Variants in HK1 observed in about 807,000 individuals in gnomAD.
HK1 encodes the protein hexokinase-1.
A neutral mutation model predicts 91.6 loss-of-function variants in HK1; 28 were observed. That is an observed-to-expected ratio of 0.31 (90% CI 0.23 to 0.42). The LOEUF is 0.42. HK1 is among the 10% of genes least tolerant of loss of function. HK1 has a pLI of 1.00. For missense variants in HK1, 770 were observed against 1,219.8 expected, an observed-to-expected ratio of 0.63 and a Z score of 5.49; for synonymous variants, 430 against 468.1, an observed-to-expected ratio of 0.92 and a Z score of 1.05.
intron 2 of HK1, among the ~76,000 whole-genome samples, chr10:69,352,059 C>G (rs1342450144): frequency 6.6e-6 from 1 of 150,950 alleles, no homozygotes; most frequent in African/African-American, 2.4e-5. Flanking sequence ...GTGGCATGAT[C>G]TCGGCTCACT....
intron 1 of HK1, chr10:69,338,110 C>CG: frequency 3.2e-6 from 1 of 311,704 alleles, no homozygotes; most frequent in Non-Finnish European, 5.0e-6. Flanking sequence ...TCCTGCTCTG[C>CG]GGGGGTCCAA....
chr10:69,384,552 CA>C (rs879246652), intron 11 of HK1, 71 bp downstream of exon 11: 2 of 1,587,344 alleles, frequency 1.3e-6, no homozygotes, highest in Middle Eastern at 1.7e-4. Context: ...ACGTGATGAC[CA>C]AAATCCGCCA....
At chr10:69,376,292 G>C (rs1334492044) in intron 7 of HK1, among the ~76,000 whole-genome samples, 1 of 152,098 alleles carries the variant, frequency 6.6e-6, no homozygotes, top group Non-Finnish European at 1.5e-5. Flanking sequence ...GCATCTGGGA[G>C]GGTCGCTTGG....
intron 3 of HK1, 119 bp from the exon 4 acceptor site, chr10:69,364,664 A>G (rs1480645453): frequency 1.6e-6 from 2 of 1,259,934 alleles, no homozygotes; most frequent in African/African-American, 1.5e-5. Flanking sequence ...CAGGAGTACG[A>G]GCACTTTGTT....
At chr10:69,319,548 G>A (rs565177456) in intron 1 of HK1, among the ~76,000 whole-genome samples, 1 of 152,400 alleles carries the variant, frequency 6.6e-6, no homozygotes, top group East Asian at 1.9e-4. Flanking sequence ...TGACCCGCCC[G>A]GCTTCCCGGA....
At chr10:69,302,378 GAT>G (rs1491371214) in intron 5 of HK1, among the ~76,000 whole-genome samples, 4 of 44,566 alleles carry the variant, frequency 9.0e-5, no homozygotes, top group Non-Finnish European at 4.9e-5. Context: ...ATGGTATAAT[GAT>G]TTTTTTTTTT....
chr10:69,351,882 A>G (rs1327265907), intron 2 of HK1, among the ~76,000 whole-genome samples: 1 of 152,218 alleles, frequency 6.6e-6, no homozygotes, highest in Non-Finnish European at 1.5e-5. Flanking sequence ...ATTGGTACAG[A>G]AAGACTCAGT....
rs78152370 is a variant in HK1, at chr10:69,302,255, GA to G, written c.27+1404del. On this transcript the variant is annotated intron_variant, in intron 5 of 21. Coordinates refer to the HK1 transcript ENST00000360289. ...AGAGCAAAACTCCATCTCAAAAAAAGAAAAAAAAAACTTATAAAGCTACAGT... is the reference window on the plus strand; with the variant it reads ...AGAGCAAAACTCCATCTCAAAAAAAGAAAAAAAAACTTATAAAGCTACAGT... Among the ~76,000 whole-genome samples, 807 of 144,174 alleles carry G rather than the reference GA, an allele frequency of 5.6e-3. 5 individuals carry two copies. Among genetic ancestry groups the G allele is most frequent in the Non-Finnish European group, 9.0e-3 (589 of 65,336 alleles). The allele number at this position is 144,174 out of a possible 152,430, so 94.6% of individuals were successfully genotyped here.
At chr10:69,372,371 G>T (rs1294859125) in intron 7 of HK1, among the ~76,000 whole-genome samples, 1 of 152,244 alleles carries the variant, frequency 6.6e-6, no homozygotes, top group Non-Finnish European at 1.5e-5. Flanking sequence ...GAAATAGGCT[G>T]TAGGCTAAAG....
intron 2 of HK1, among the ~76,000 whole-genome samples, chr10:69,353,202 C>T (rs1046808532): frequency 2.6e-5 from 4 of 152,144 alleles, no homozygotes; most frequent in African/African-American, 9.7e-5. Flanking sequence ...ACCCCCATGC[C>T]GCCTCCAGGG....
chr10:69,390,486 T>A (rs1001592026), intron 14 of HK1, among the ~76,000 whole-genome samples: 2 of 152,252 alleles, frequency 1.3e-5, no homozygotes, highest in Non-Finnish European at 1.5e-5. Flanking sequence ...TCTTTGCATC[T>A]CCCACTCCCA....
intron 1 of HK1, among the ~76,000 whole-genome samples, chr10:69,273,571 C>T (rs979174973): frequency 2.0e-5 from 3 of 152,142 alleles, no homozygotes; most frequent in South Asian, 2.1e-4. Context: ...AGGCTGGTGT[C>T]GAACTCCTGA....
intron 3 of HK1, among the ~76,000 whole-genome samples, chr10:69,293,967 T>C (rs1012144135): frequency 1.3e-4 from 19 of 149,482 alleles, no homozygotes; most frequent in African/African-American, 4.2e-4. Context: ...GTTCACGCCA[T>C]TCTCCTGCCT....
upstream of HK1, among the ~76,000 whole-genome samples, chr10:69,312,856 G>GAC (rs10684489): frequency 0.073 from 11,050 of 152,186 alleles, 931 homozygotes; most frequent in African/African-American, 0.21. Context: ...CTCTTCCAGT[G>GAC]TCTGTTGATC....
intron 3 of HK1, among the ~76,000 whole-genome samples, chr10:69,293,449 T>G (rs1845388913): frequency 6.6e-6 from 1 of 152,242 alleles, no homozygotes; most frequent in Admixed American, 6.5e-5. Context: ...CCAAGATATG[T>G]ATGCACTGTC....
chr10:69,303,191 G>T (rs1385721655), intron 5 of HK1, among the ~76,000 whole-genome samples: 1 of 152,114 alleles, frequency 6.6e-6, no homozygotes, highest in Non-Finnish European at 1.5e-5. Flanking sequence ...GAGGTAATGT[G>T]GTGGGGGGAG....
chr10:69,349,501 G>A (rs1354663253), intron 2 of HK1, among the ~76,000 whole-genome samples: 1 of 152,218 alleles, frequency 6.6e-6, no homozygotes. Flanking sequence ...GCACCCAGCA[G>A]GCCTGAATGT....
intron 1 of HK1, among the ~76,000 whole-genome samples, chr10:69,277,994 T>A (rs561193471): frequency 1.3e-5 from 2 of 151,906 alleles, no homozygotes; most frequent in Non-Finnish European, 2.9e-5. Context: ...GATTGTGCCA[T>A]TGCACTCCAG....
intron 3 of HK1, among the ~76,000 whole-genome samples, chr10:69,363,277 T>A (rs1005674944): frequency 1.3e-5 from 2 of 152,208 alleles, no homozygotes; most frequent in African/African-American, 4.8e-5. Context: ...AGTGTATATA[T>A]ATACGCTCAG....
Sources: gnomAD v4.1 joint callset for allele counts (sites outside exome capture counted in the v4.1 genomes callset) on GRCh38, gnomAD v4.1.1 for gene constraint, MANE v1.5 for transcripts, NCBI Gene and HGNC (gene_info 2026-07-23, HGNC 2026-07-21) for gene names.